The following MCUR1 variants were observed in gnomAD, a reference collection of about 807,000 sequenced individuals.
MCUR1 encodes MCU regulator 1.
In MCUR1, 37 loss-of-function variants were observed where a neutral mutation model predicts 42.0. The ratio of observed to expected loss-of-function variants is 0.88; its 90% CI spans 0.68 to 1.16. The LOEUF (loss-of-function observed/expected upper bound fraction) is 1.16, where lower values mean the gene tolerates loss of function less well. Ranked by LOEUF, MCUR1 falls within the 50% of genes most tolerant of loss-of-function variation. MCUR1 has a pLI of 0.00. For synonymous variants in MCUR1, 229 were observed against 196.2 expected, an observed-to-expected ratio of 1.17 and a Z score of -1.40; for missense variants, 469 against 468.4, an observed-to-expected ratio of 1.00 and a Z score of -0.01.
intron 6 of MCUR1, among the ~76,000 whole-genome samples, chr6:13,795,779 A>G (rs1280032754): frequency 6.6e-6 from 1 of 152,168 alleles, no homozygotes; most frequent in East Asian, 1.9e-4. Flanking sequence ...CACATTGGGT[A>G]CAGTGTACGC....
chr6:13,807,590 C>A (rs145282659), intron 1 of MCUR1, among the ~76,000 whole-genome samples: 10 of 152,274 alleles, frequency 6.6e-5, no homozygotes, highest in Non-Finnish European at 1.0e-4. Context: ...GTTTCTACTT[C>A]TTAGCGATTA....
chr6:13,806,525 A>G (rs1196431611), intron 2 of MCUR1, among the ~76,000 whole-genome samples: 2 of 152,256 alleles, frequency 1.3e-5, no homozygotes, highest in African/African-American at 4.8e-5. Flanking sequence ...ATGTGTGAGA[A>G]AAGTCTCCAT....
intron 1 of MCUR1, among the ~76,000 whole-genome samples, chr6:13,807,340 G>C (rs1003237253): frequency 2.6e-5 from 4 of 151,990 alleles, no homozygotes; most frequent in Admixed American, 2.6e-4. Flanking sequence ...CCATACCCAG[G>C]ACAAGCACTG....
chr6:13,800,365 T>C lies in MCUR1; in HGVS notation c.759A>G (p.Leu253=). The change falls in exon 5 of 9, where the codon CTA becomes CTG. Residue 253 remains leucine (L), a synonymous_variant. Transcript: ENST00000379170. ...RAENEKIKLE[L]HQLKQQVMDE... is the part of the protein sequence containing the mutation. ...CCATTACTTGTTGTTTTAACTGATG[T>C]AGTTCGAGTTTTATTTTCTAAAAAC... 1.3e-6 allele frequency: 2 copies of C among 1,571,576 alleles called. No homozygotes were observed. The highest frequency in any genetic ancestry group is 1.7e-6 in the Non-Finnish European group (2 of 1,154,068).
intron 6 of MCUR1, among the ~76,000 whole-genome samples, chr6:13,795,715 G>A (rs1004509593): frequency 9.2e-5 from 14 of 152,140 alleles, no homozygotes; most frequent in Non-Finnish European, 1.3e-4. Flanking sequence ...GGATGATACA[G>A]TGGACTTTGA....
intron 6 of MCUR1, among the ~76,000 whole-genome samples, chr6:13,798,298 T>C (rs965716435): frequency 2.6e-5 from 4 of 152,134 alleles, no homozygotes; most frequent in Middle Eastern, 3.4e-3. Flanking sequence ...GGTTTCACCA[T>C]GTTGGGCAGG....
At position 13,790,552 on chromosome 6, in the gene MCUR1, T is replaced by C. The variant is rs552388825; in HGVS notation, c.*257A>G. On this transcript the variant is annotated 3_prime_UTR_variant, in exon 9 of 9. Coordinates refer to ENST00000379170, the MANE Select transcript of MCUR1 (RefSeq NM_001031713.4). Reference sequence around the variant, plus strand: ...ATCTCGGCTCACTACAAGCTCCGCCTCCCAGGTTCACACCTTAGCCTCCCG... The same window carrying C: ...ATCTCGGCTCACTACAAGCTCCGCCCCCCAGGTTCACACCTTAGCCTCCCG... 9.0e-6 allele frequency: 2 copies of C among 221,338 alleles called. No homozygotes were observed. Among genetic ancestry groups the C allele is most frequent in the South Asian group, 1.3e-4 (2 of 15,916 alleles). The allele number at this position is 221,338 out of a possible 1,614,324, so 13.7% of individuals were successfully genotyped here. A position where few individuals can be genotyped will look rare whatever the true frequency, so the allele number is the denominator to read the frequency against.
At chr6:13,794,305 A>G (rs1409713564) in intron 6 of MCUR1, among the ~76,000 whole-genome samples, 2 of 152,002 alleles carry the variant, frequency 1.3e-5, no homozygotes, top group Admixed American at 6.6e-5. Context: ...TTCCTTAGTC[A>G]TCTGTCACTT....
rs1760307398 is a variant in MCUR1 at position 13,814,138 on chromosome 6, C to A, written c.292G>T (p.Gly98Trp). ...QLGDWERSRL[G>W]YAAPPAGRSS... ...CGCCCGGCCGGGGGTGCGGCATACCCGAGGCGCGAGCGCTCCCAGTCCCCG... is the reference window on the plus strand; with the variant it reads ...CGCCCGGCCGGGGGTGCGGCATACCAGAGGCGCGAGCGCTCCCAGTCCCCG... The change falls in exon 1 of 9, where the codon GGG (glycine) becomes TGG (tryptophan). Residue 98 changes from glycine to tryptophan, a missense_variant. By Grantham distance (184) the Gly-to-Trp change is radical. Transcript: ENST00000379170. 1 of 1,305,948 alleles carries A rather than the reference C, an allele frequency of 7.7e-7. No homozygotes were observed. The highest frequency in any genetic ancestry group is 1.5e-5 in the African/African-American group (1 of 64,642). The allele number at this position is 1,305,948 out of a possible 1,614,324, so 80.9% of individuals were successfully genotyped here. A position where few individuals can be genotyped will look rare whatever the true frequency, so the allele number is the denominator to read the frequency against.
rs1759789100 is a variant in MCUR1 at position 13,793,769 on chromosome 6, A to G, written c.909+125T>C. 2.7e-5 allele frequency: 21 copies of G among 768,364 alleles called. No individual in the cohort carries two copies. The East Asian group carries it at 5.4e-4, about 20-fold the overall frequency. 47.6% of individuals were successfully genotyped at this position (768,364 alleles called of 1,614,324 possible). ...TTTTATGTTGTGTGTATTTTAGCAC[A>G]ATGTAAAAAATTCCCATGACAGTAA... On this transcript the variant is annotated intron_variant, in intron 7 of 8. Transcript: ENST00000379170.
At position 13,812,288 on chromosome 6, in the gene MCUR1, T is replaced by A. The variant is rs1221372675; in HGVS notation, c.415+1727A>T. On this transcript the variant is annotated intron_variant, in intron 1 of 8. Coordinates refer to ENST00000379170, the MANE Select transcript of MCUR1 (RefSeq NM_001031713.4). Reference sequence around the variant, plus strand: ...CTCAGGCACCAAGCAAACAAATGGTTGGGAAACGCTCATTGGCTGGTTAAT... The same window carrying A: ...CTCAGGCACCAAGCAAACAAATGGTAGGGAAACGCTCATTGGCTGGTTAAT... Among the ~76,000 whole-genome samples the A allele has an allele frequency of 2.0e-5, 3 of 152,014 alleles. No homozygotes were observed. The East Asian group carries it at 5.8e-4, about 29-fold the overall frequency.
chr6:13,798,938 TC>T, intron 5 of MCUR1, 34 bp from the exon 6 acceptor site: 1 of 1,342,596 alleles, frequency 7.4e-7, no homozygotes, highest in South Asian at 1.2e-5. Flanking sequence ...GAAGGAAAAA[TC>T]CAAAGTAAGA....
At chr6:13,808,244 A>G (rs929873220) in intron 1 of MCUR1, among the ~76,000 whole-genome samples, 2 of 152,198 alleles carry the variant, frequency 1.3e-5, no homozygotes, top group African/African-American at 2.4e-5. Context: ...CCAGAATTGC[A>G]AGAAATGTGT....
At chr6:13,803,784 T>C in intron 2 of MCUR1, 3 of 985,424 alleles carry the variant, frequency 3.0e-6, no homozygotes, top group Non-Finnish European at 3.6e-6. Flanking sequence ...TCGTCTGTCT[T>C]CCTAGTTTTT....
At chr6:13,792,602 A>C (rs375686138) in intron 7 of MCUR1, among the ~76,000 whole-genome samples, 4 of 152,326 alleles carry the variant, frequency 2.6e-5, no homozygotes, top group African/African-American at 9.6e-5. Flanking sequence ...CAATACAGTT[A>C]AACTGGACAC....
rs765247678 is a variant in MCUR1, at chr6:13,814,414, C to T, written c.16G>A (p.Val6Ile). 7.1e-6 allele frequency: 11 copies of T among 1,539,474 alleles called. 1 individual carries two copies. The South Asian group carries it at 1.3e-4, about 18-fold the overall frequency. MDCGS[V>I]GGQRTQRLPG... ...AGGCGCTGGGTCCTCTGGCCGCCGA[C>T]CGAGCCGCAGTCCATCCCCGAGCAG... is the stretch of plus-strand genomic sequence containing the variant. The change falls in exon 1 of 9, where the codon GTC becomes ATC. Residue 6 changes from valine (V) to isoleucine (I), a missense_variant. By Grantham distance (29) the Val-to-Ile change is conservative. Coordinates refer to ENST00000379170, the MANE Select transcript of MCUR1 (RefSeq NM_001031713.4).
At chr6:13,805,449 C>A (rs899491063) in intron 2 of MCUR1, among the ~76,000 whole-genome samples, 2 of 152,144 alleles carry the variant, frequency 1.3e-5, no homozygotes, top group Non-Finnish European at 2.9e-5. Context: ...TTCATTCATG[C>A]GTATTATCTT....
intron 6 of MCUR1, among the ~76,000 whole-genome samples, chr6:13,794,443 C>CA (rs1349149258): frequency 6.6e-6 from 1 of 152,116 alleles, no homozygotes; most frequent in Non-Finnish European, 1.5e-5. Flanking sequence ...AATGGAGACT[C>CA]AACTCAATTT....
At chr6:13,808,977 A>G (rs1191992426) in intron 1 of MCUR1, among the ~76,000 whole-genome samples, 2 of 152,054 alleles carry the variant, frequency 1.3e-5, no homozygotes, top group African/African-American at 4.8e-5. Context: ...GTCTCGCTCT[A>G]TTGCCCAGGA....
Sources: allele counts gnomAD v4.1 joint callset (sites outside exome capture counted in the v4.1 genomes callset), GRCh38; gene constraint gnomAD v4.1.1; transcripts MANE v1.5; gene names NCBI Gene and HGNC (gene_info 2026-07-23, HGNC 2026-07-21).